Variants in ADGRB3 observed in about 807,000 individuals in gnomAD.
ADGRB3 encodes the protein brain-specific angiogenesis inhibitor 3.
ADGRB3 carries 37 observed loss-of-function variants against 193.4 expected under a neutral mutation model. The ratio of observed to expected loss-of-function variants is 0.19; its 90% CI spans 0.15 to 0.25. The LOEUF is 0.25. ADGRB3 is among the 10% of genes least tolerant of loss of function. ADGRB3 has a pLI of 1.00. For missense variants in ADGRB3, 1,637 were observed against 1,852.9 expected (o/e 0.88, Z 2.14); for synonymous variants, 690 against 644.2 (o/e 1.07, Z -1.08).
At chr6:69,084,167 G>A (rs1260035511) in intron 17 of ADGRB3, among the ~76,000 whole-genome samples, 1 of 152,052 alleles carries the variant, frequency 6.6e-6, no homozygotes, top group Admixed American at 6.6e-5. Flanking sequence ...TCTGCTGTCT[G>A]CTTTTCCCTC....
At chr6:69,295,934 G>C (rs1561979905) in intron 20 of ADGRB3, among the ~76,000 whole-genome samples, 1 of 152,136 alleles carries the variant, frequency 6.6e-6, no homozygotes, top group Admixed American at 6.6e-5. Context: ...ACTAGAATAT[G>C]TCTATGAATC....
intron 3 of ADGRB3, among the ~76,000 whole-genome samples, chr6:68,869,323 A>G (rs988237546): frequency 3.9e-5 from 6 of 152,198 alleles, no homozygotes; most frequent in Non-Finnish European, 2.9e-5. Flanking sequence ...GACTAAAGCC[A>G]TAGTTAAAAT....
chr6:68,891,205 G>A (rs770081487), intron 3 of ADGRB3, among the ~76,000 whole-genome samples: 1 of 152,014 alleles, frequency 6.6e-6, no homozygotes, highest in Non-Finnish European at 1.5e-5. Context: ...AGAACAGCAC[G>A]GGAAAGCCCA....
At chr6:68,945,173 G>A (rs1227909006) in intron 6 of ADGRB3, among the ~76,000 whole-genome samples, 2 of 152,206 alleles carry the variant, frequency 1.3e-5, no homozygotes, top group South Asian at 2.1e-4. Context: ...TTCAGAGAAG[G>A]ACTACTAGGT....
chr6:69,130,659 G>C (rs955348293), intron 17 of ADGRB3, among the ~76,000 whole-genome samples: 3 of 151,152 alleles, frequency 2.0e-5, no homozygotes, highest in African/African-American at 7.3e-5. Context: ...TAACTACACT[G>C]GTTTTAGTAG....
chr6:69,189,951 C>T (rs1376034979), intron 17 of ADGRB3, among the ~76,000 whole-genome samples: 1 of 152,018 alleles, frequency 6.6e-6, no homozygotes, highest in Non-Finnish European at 1.5e-5. Context: ...TACACTGTAG[C>T]CATCATAACA....
chr6:69,186,437 C>A (rs1427541705), intron 17 of ADGRB3, among the ~76,000 whole-genome samples: 1 of 151,874 alleles, frequency 6.6e-6, no homozygotes, highest in African/African-American at 2.4e-5. Context: ...GTAAAGCCTT[C>A]CCTCCCCACC....
At chr6:69,362,398 A>G (rs754033825) in intron 29 of ADGRB3, among the ~76,000 whole-genome samples, 1 of 151,944 alleles carries the variant, frequency 6.6e-6, no homozygotes, top group Non-Finnish European at 1.5e-5. Context: ...CAACCCAGTT[A>G]TGCTGATAAT....
intron 7 of ADGRB3, 81 bp from the exon 8 acceptor site, chr6:68,956,564 G>A (rs1053094619): frequency 3.3e-6 from 5 of 1,525,952 alleles, no homozygotes; most frequent in Admixed American, 1.7e-5. Flanking sequence ...AATGGAAGGG[G>A]TAGTAACATT....
At chr6:68,792,057 T>C (rs1056288330) in intron 3 of ADGRB3, among the ~76,000 whole-genome samples, 1 of 152,138 alleles carries the variant, frequency 6.6e-6, no homozygotes, top group Non-Finnish European at 1.5e-5. Flanking sequence ...AAGATGGAGA[T>C]TGCTTTCCTC....
intron 30 of ADGRB3, among the ~76,000 whole-genome samples, chr6:69,377,551 T>C (rs1423363341): frequency 6.6e-6 from 1 of 152,018 alleles, no homozygotes; most frequent in Non-Finnish European, 1.5e-5. Context: ...TCTTAGCCGA[T>C]ATGGGCAACG....
chr6:68,991,473 G>A (rs568033357), intron 10 of ADGRB3, among the ~76,000 whole-genome samples: 1 of 152,022 alleles, frequency 6.6e-6, no homozygotes, highest in South Asian at 2.1e-4. Flanking sequence ...TCCATTTTAG[G>A]TAGGAAGTCA....
intron 17 of ADGRB3, among the ~76,000 whole-genome samples, chr6:69,101,453 T>TGTGTGTGTGTGTGC: frequency 6.6e-6 from 1 of 151,410 alleles, no homozygotes; most frequent in South Asian, 2.1e-4. Flanking sequence ...TGTGTGTGTG[T>TGTGTGTGTGTGTGC]GTGTGTGTAC....
In ADGRB3 at chr6:69,297,559, G is replaced by A. The variant is rs546300007; in HGVS notation, c.2815-27313G>A. Among the ~76,000 whole-genome samples the A allele has an allele frequency of 9.2e-5, 14 of 152,016 alleles. 1 individual carries two copies. The East Asian group carries it at 1.6e-3, about 17-fold the overall frequency. On this transcript the variant is annotated intron_variant, in intron 20 of 31. Coordinates refer to ENST00000370598, the MANE Select transcript of ADGRB3 (RefSeq NM_001704.3). ...TAAAGTTGCTACAGCTGGGGATTTCGGTGGGGGAGGAGGAATATTGGTTGT... is the reference window on the plus strand; with the variant it reads ...TAAAGTTGCTACAGCTGGGGATTTCAGTGGGGGAGGAGGAATATTGGTTGT...
At chr6:69,246,615 G>T (rs1323662508) in intron 20 of ADGRB3, among the ~76,000 whole-genome samples, 1 of 152,146 alleles carries the variant, frequency 6.6e-6, no homozygotes, top group Non-Finnish European at 1.5e-5. Flanking sequence ...TTCCAGATTT[G>T]TGTGGTAAAA....
intron 31 of ADGRB3, 85 bp downstream of exon 31, chr6:69,383,020 G>A: frequency 2.3e-6 from 2 of 879,316 alleles, no homozygotes; most frequent in Non-Finnish European, 3.4e-6. Context: ...CTAATGGTGG[G>A]AACATAAGAT....
At chr6:69,015,717 GT>G (rs1770068703) in intron 12 of ADGRB3, among the ~76,000 whole-genome samples, 1 of 151,846 alleles carries the variant, frequency 6.6e-6, no homozygotes, top group South Asian at 2.1e-4. Context: ...GACATTGGAA[GT>G]TTTTTGCAAA....
intron 17 of ADGRB3, among the ~76,000 whole-genome samples, chr6:69,119,927 G>A (rs1247498572): frequency 6.6e-6 from 1 of 152,158 alleles, no homozygotes; most frequent in Non-Finnish European, 1.5e-5. Context: ...GAAGCAGAGA[G>A]GCCAGACAGG....
intron 3 of ADGRB3, among the ~76,000 whole-genome samples, chr6:68,807,531 C>T (rs1046739877): frequency 2.6e-5 from 4 of 151,968 alleles, no homozygotes; most frequent in Non-Finnish European, 1.5e-5. Flanking sequence ...TGAGCCACCG[C>T]GCCTGGCCGG....
Sources: allele counts gnomAD v4.1 joint callset (sites outside exome capture counted in the v4.1 genomes callset), GRCh38; gene constraint gnomAD v4.1.1; transcripts MANE v1.5; gene names NCBI Gene and HGNC (gene_info 2026-07-23, HGNC 2026-07-21).